The following REC114 variants were observed in gnomAD, a reference collection of about 807,000 sequenced individuals.
REC114 encodes REC114 meiotic recombination protein.
Under a neutral mutation model 31.3 loss-of-function variants are expected in REC114, and 27 were observed. The observed-to-expected ratio is 0.86, with a 90% confidence interval of 0.64 to 1.19. The LOEUF (loss-of-function observed/expected upper bound fraction) is 1.19, where lower values mean the gene tolerates loss of function less well. Ranked by LOEUF, REC114 falls within the 50% of genes most tolerant of loss-of-function variation. The pLI, the probability that REC114 is intolerant of heterozygous loss-of-function variation, is 0.00. For synonymous variants in REC114, 134 were observed against 127.7 expected (o/e 1.05, Z -0.33); for missense variants, 344 against 326.9 (o/e 1.05, Z -0.40).
chr15:73,487,612 TG>T (rs1163164097), intron 2 of REC114, among the ~76,000 whole-genome samples: 1 of 152,228 alleles, frequency 6.6e-6, no homozygotes, highest in Non-Finnish European at 1.5e-5. Context: ...TCCAAGGGCC[TG>T]GAAGGCCCTG....
At chr15:73,552,394 C>T (rs1335104989) in intron 4 of REC114, among the ~76,000 whole-genome samples, 1 of 152,140 alleles carries the variant, frequency 6.6e-6, no homozygotes, top group African/African-American at 2.4e-5. Flanking sequence ...AAGAGATTTG[C>T]AAAAATCATT....
At chr15:73,484,275 G>A (rs1893336366) in intron 2 of REC114, among the ~76,000 whole-genome samples, 1 of 152,020 alleles carries the variant, frequency 6.6e-6, no homozygotes, top group Admixed American at 6.6e-5. Flanking sequence ...AGAAAGTGTG[G>A]CTTTTCTTGG....
chr15:73,548,515 C>G (rs979875619), intron 3 of REC114, among the ~76,000 whole-genome samples: 1 of 152,112 alleles, frequency 6.6e-6, no homozygotes, highest in African/African-American at 2.4e-5. Context: ...CAGTGAGATA[C>G]CATCTCATAC....
intron 2 of REC114, among the ~76,000 whole-genome samples, chr15:73,497,854 C>T (rs1232256201): frequency 6.6e-6 from 1 of 152,064 alleles, no homozygotes; most frequent in African/African-American, 2.4e-5. Flanking sequence ...AGAAGGAAGC[C>T]AAAAGTAAGT....
At chr15:73,453,665 C>G (rs1359063034) in intron 1 of REC114, among the ~76,000 whole-genome samples, 1 of 152,134 alleles carries the variant, frequency 6.6e-6, no homozygotes, top group Non-Finnish European at 1.5e-5. Flanking sequence ...AAGACACATG[C>G]ACATGTATGT....
chr15:73,530,168 A>G (rs1894058317), intron 2 of REC114, among the ~76,000 whole-genome samples: 1 of 152,218 alleles, frequency 6.6e-6, no homozygotes, highest in South Asian at 2.1e-4. Flanking sequence ...TGGAATAGGT[A>G]CTTTGAAGTA....
intron 3 of REC114, among the ~76,000 whole-genome samples, chr15:73,542,194 G>T (rs1351780872): frequency 6.6e-6 from 1 of 151,774 alleles, no homozygotes; most frequent in Non-Finnish European, 1.5e-5. Context: ...AGCCAGGGGT[G>T]GTGGTAGATG....
chr15:73,477,852 CAATT>C (rs1051084962), intron 2 of REC114, among the ~76,000 whole-genome samples: 43 of 152,172 alleles, frequency 2.8e-4, no homozygotes, highest in African/African-American at 9.9e-4. Flanking sequence ...TTCTTTCCCA[CAATT>C]AAAGCAATGT....
At chr15:73,466,930 T>A (rs2151256116) in intron 1 of REC114, among the ~76,000 whole-genome samples, 1 of 152,320 alleles carries the variant, frequency 6.6e-6, no homozygotes, top group South Asian at 2.1e-4. Flanking sequence ...TGCACAAGAA[T>A]GTAGTACCAC....
At chr15:73,482,003 A>G (rs866403442) in intron 2 of REC114, among the ~76,000 whole-genome samples, 3 of 152,104 alleles carry the variant, frequency 2.0e-5, no homozygotes, top group Admixed American at 1.3e-4. Context: ...CATTAAGTAC[A>G]TTCCTATCAT....
Position 73,543,576 on chromosome 15 carries a change from G to A in REC114, c.333+3008G>A, listed in dbSNP as rs186457443. Among the ~76,000 whole-genome samples the A allele has an allele frequency of 9.9e-5, 15 of 152,146 alleles. No individual in the cohort carries two copies. The East Asian group carries it at 2.7e-3, about 27-fold the overall frequency. ...ACTCCCGACCTCAGGTGATCTGCCC[G>A]CCTCGGCCTCCCAAAGTGCTGGGAT... On this transcript the variant is annotated intron_variant, in intron 3 of 5. Transcript: ENST00000331090.
rs570118839 is a variant in REC114 at position 73,523,906 on chromosome 15, A to G, written c.250-16579A>G. On this transcript the variant is annotated intron_variant, in intron 2 of 5. Coordinates refer to ENST00000331090, the MANE Select transcript of REC114 (RefSeq NM_001042367.2). The stretch of plus-strand genomic sequence containing the variant: ...GGTCAAGGTCCCCTTCTTCCCAACT[A>G]TGGATAATTTGATTGTCCCAGCACC... 3.3e-5 allele frequency among the ~76,000 whole-genome samples: 5 copies of G among 152,302 alleles called. No individual in the cohort carries two copies. In the South Asian group the frequency reaches 8.3e-4, roughly 25 times the overall value.
In REC114 at chr15:73,479,985, A is replaced by G. The variant is rs148207218; in HGVS notation, c.249+6064A>G. ...GATTGCTGGATCATATGGTAATTCTATTTATAATTTTTTGAGGAAACTCCA... is the reference window on the plus strand; with the variant it reads ...GATTGCTGGATCATATGGTAATTCTGTTTATAATTTTTTGAGGAAACTCCA... On this transcript the variant is annotated intron_variant, in intron 2 of 5. Coordinates refer to ENST00000331090, the MANE Select transcript of REC114 (RefSeq NM_001042367.2). Among the ~76,000 whole-genome samples the G allele has an allele frequency of 2.7e-3, 408 of 152,214 alleles. 2 individuals are homozygous for G. The highest frequency in any genetic ancestry group is 9.5e-3 in the African/African-American group (393 of 41,542).
chr15:73,507,811 GAACA>G (rs886699642), intron 2 of REC114, among the ~76,000 whole-genome samples: 5 of 152,228 alleles, frequency 3.3e-5, no homozygotes, highest in South Asian at 4.1e-4. Flanking sequence ...GTAAGCAAAT[GAACA>G]AACAGTTCAC....
intron 2 of REC114, among the ~76,000 whole-genome samples, chr15:73,513,141 TTTCTTTTTA>T (rs1423325229): frequency 6.9e-6 from 1 of 144,794 alleles, no homozygotes; most frequent in African/African-American, 2.6e-5. Flanking sequence ...GCTTTGCTCA[TTTCTTTTTA>T]TTCTTTTTTC....
At chr15:73,530,681 A>G (rs1894067045) in intron 2 of REC114, among the ~76,000 whole-genome samples, 2 of 151,872 alleles carry the variant, frequency 1.3e-5, no homozygotes, top group South Asian at 2.1e-4. Context: ...AGAAATCCCA[A>G]TCTTTTGCTT....
At chr15:73,535,794 A>T (rs1268771851) in intron 2 of REC114, among the ~76,000 whole-genome samples, 1 of 151,600 alleles carries the variant, frequency 6.6e-6, no homozygotes, top group Non-Finnish European at 1.5e-5. Flanking sequence ...GGCTACAGTA[A>T]CCAAAACAGC....
intron 2 of REC114, among the ~76,000 whole-genome samples, chr15:73,530,824 T>G (rs1202416008): frequency 6.6e-6 from 1 of 151,920 alleles, no homozygotes; most frequent in African/African-American, 2.4e-5. Context: ...AACACAACCC[T>G]GAAGCTTAAG....
chr15:73,494,067 G>A (rs942184420), intron 2 of REC114, among the ~76,000 whole-genome samples: 1 of 152,096 alleles, frequency 6.6e-6, no homozygotes, highest in Non-Finnish European at 1.5e-5. Context: ...TCAGGAAGGT[G>A]CATCACTAGT....
Sources: allele counts gnomAD v4.1 joint callset (sites outside exome capture counted in the v4.1 genomes callset), GRCh38; gene constraint gnomAD v4.1.1; transcripts MANE v1.5; gene names NCBI Gene and HGNC (gene_info 2026-07-23, HGNC 2026-07-21).